Variants in MACROD2 observed in about 807,000 individuals in gnomAD.
The protein encoded by MACROD2 is mono-ADP ribosylhydrolase 2, also known as ADP-ribose glycohydrolase MACROD2.
Under a neutral mutation model 70.4 loss-of-function variants are expected in MACROD2, and 36 were observed. The observed-to-expected ratio is 0.51, with a 90% confidence interval of 0.39 to 0.68. The LOEUF is 0.68. MACROD2 is among the 30% of genes least tolerant of loss of function. MACROD2 has a pLI of 0.00. For missense variants in MACROD2, 496 were observed against 538.4 expected (o/e 0.92, Z 0.78); for synonymous variants, 172 against 178.8 (o/e 0.96, Z 0.30).
intron 1 of MACROD2, chr20:13,996,567 T>G (rs17226859): frequency 0.11 from 17,228 of 152,168 alleles, 1,151 homozygotes; most frequent in Admixed American, 0.18. Flanking sequence ...ATCTCTGAAT[T>G]TTGTGCGTAT....
intron 5 of MACROD2, among the ~76,000 whole-genome samples, chr20:15,208,956 G>A (rs2076736110): frequency 6.6e-6 from 1 of 152,144 alleles, no homozygotes; most frequent in African/African-American, 2.4e-5. Context: ...ACAGTGAGGT[G>A]CAGGTAGAAA....
intron 5 of MACROD2, among the ~76,000 whole-genome samples, chr20:14,718,620 G>A (rs1412806025): frequency 1.3e-5 from 2 of 152,096 alleles, no homozygotes; most frequent in Admixed American, 6.5e-5. Flanking sequence ...CACAGATCAT[G>A]GTTGCCTGGA....
chr20:15,409,490 T>C (rs142305751), intron 6 of MACROD2, among the ~76,000 whole-genome samples: 1 of 152,336 alleles, frequency 6.6e-6, no homozygotes, highest in East Asian at 1.9e-4. Context: ...TGTAAGAGGA[T>C]AAAGATGGTT....
intron 8 of MACROD2, among the ~76,000 whole-genome samples, chr20:15,720,189 C>A (rs1374515960): frequency 6.6e-6 from 1 of 152,122 alleles, no homozygotes; most frequent in Non-Finnish European, 1.5e-5. Flanking sequence ...TTTCTTTATT[C>A]ATTCATCTGT....
chr20:15,252,012 A>C (rs748183206), intron 6 of MACROD2, among the ~76,000 whole-genome samples: 28 of 152,178 alleles, frequency 1.8e-4, no homozygotes, highest in Non-Finnish European at 3.5e-4. Flanking sequence ...TGTGGCTCTA[A>C]CTTTATCAAT....
At chr20:14,646,901 C>T (rs146527134) in intron 4 of MACROD2, among the ~76,000 whole-genome samples, 17 of 152,148 alleles carry the variant, frequency 1.1e-4, no homozygotes, top group Non-Finnish European at 2.1e-4. Context: ...TGTGTTTCTT[C>T]ATCTGCTTCA....
chr20:15,383,444 A>G (rs2045671124), intron 6 of MACROD2, among the ~76,000 whole-genome samples: 1 of 152,228 alleles, frequency 6.6e-6, no homozygotes, highest in African/African-American at 2.4e-5. Context: ...GTTAAGAAGT[A>G]GAATTTCAAA....
intron 2 of MACROD2, among the ~76,000 whole-genome samples, chr20:14,044,433 A>G (rs1476891634): frequency 2.0e-5 from 3 of 152,162 alleles, no homozygotes; most frequent in African/African-American, 4.8e-5. Context: ...GCGGGTTGCC[A>G]CTGCTGGCGT....
rs548771752 is a variant in MACROD2, at chr20:14,878,285, T to C, written c.418+193326T>C. On this transcript the variant is annotated intron_variant, in intron 5 of 17. Transcript: ENST00000684519. ...CCCTAAAAATATTACTTGGCCTGTA[T>C]GGCATTTGTACGCAAAGGTAGAATC... Among the ~76,000 whole-genome samples the C allele has an allele frequency of 4.6e-5, 7 of 152,242 alleles. No individual in the cohort carries two copies. In the South Asian group the frequency reaches 1.5e-3, roughly 32 times the overall value.
At chr20:15,981,723 GC>G (rs1383652787) in intron 13 of MACROD2, among the ~76,000 whole-genome samples, 3 of 151,996 alleles carry the variant, frequency 2.0e-5, no homozygotes, top group Non-Finnish European at 4.4e-5. Context: ...TTCTTATTAG[GC>G]TGTTTATGCT....
At position 14,461,587 on chromosome 20, in the gene MACROD2, T is replaced by C. The variant is rs148814076; in HGVS notation, c.272-31892T>C. On this transcript the variant is annotated intron_variant, in intron 3 of 17. Coordinates refer to ENST00000684519, the MANE Select transcript of MACROD2 (RefSeq NM_001351661.2). ...TTGTTACATATGTATACCTGTGCCA[T>C]GTTGTTGTGCTGCACCCATTAACTC... 5.9e-5 allele frequency among the ~76,000 whole-genome samples: 9 copies of C among 152,086 alleles called. No homozygotes were observed. The East Asian group carries it at 1.7e-3, about 29-fold the overall frequency.
At chr20:15,902,652 C>T (rs1423645074) in intron 10 of MACROD2, among the ~76,000 whole-genome samples, 1 of 152,064 alleles carries the variant, frequency 6.6e-6, no homozygotes, top group African/African-American at 2.4e-5. Context: ...TGGGGTAAGG[C>T]AGCCGCCATG....
intron 6 of MACROD2, among the ~76,000 whole-genome samples, chr20:15,406,019 T>G (rs1021194013): frequency 6.6e-6 from 1 of 152,164 alleles, no homozygotes; most frequent in Admixed American, 6.5e-5. Context: ...TCTGCTACTG[T>G]CTACCCAGCT....
At chr20:15,920,366 C>A (rs1197657112) in intron 10 of MACROD2, among the ~76,000 whole-genome samples, 1 of 152,010 alleles carries the variant, frequency 6.6e-6, no homozygotes, top group Non-Finnish European at 1.5e-5. Context: ...ACAACGCAGA[C>A]AAGATCACGA....
chr20:14,509,949 A>G (rs1442587507), intron 4 of MACROD2, among the ~76,000 whole-genome samples: 1 of 152,048 alleles, frequency 6.6e-6, no homozygotes, highest in African/African-American at 2.4e-5. Context: ...ATCAGATATT[A>G]AAGTTGCAAA....
intron 8 of MACROD2, among the ~76,000 whole-genome samples, chr20:15,698,962 G>T (rs1330502413): frequency 1.3e-5 from 2 of 152,120 alleles, no homozygotes; most frequent in Non-Finnish European, 2.9e-5. Context: ...CTATTTCATT[G>T]AATATTTCTC....
chr20:16,045,811 T>C (rs978448954), intron 17 of MACROD2, among the ~76,000 whole-genome samples: 1 of 152,000 alleles, frequency 6.6e-6, no homozygotes, highest in Non-Finnish European at 1.5e-5. Context: ...CTAAAAGATA[T>C]CACTGGACGG....
At chr20:14,997,533 A>G (rs2074960192) in intron 5 of MACROD2, among the ~76,000 whole-genome samples, 1 of 152,116 alleles carries the variant, frequency 6.6e-6, no homozygotes, top group African/African-American at 2.4e-5. Flanking sequence ...AGGAGAGGGA[A>G]GGTTAAGAAG....
At chr20:15,903,087 G>A (rs2065089914) in intron 10 of MACROD2, among the ~76,000 whole-genome samples, 1 of 152,172 alleles carries the variant, frequency 6.6e-6, no homozygotes, top group Non-Finnish European at 1.5e-5. Flanking sequence ...AGAGGAAACA[G>A]TAAGTGGGCC....
Sources: allele counts gnomAD v4.1 joint callset (sites outside exome capture counted in the v4.1 genomes callset), GRCh38; gene constraint gnomAD v4.1.1; transcripts MANE v1.5; gene names NCBI Gene and HGNC (gene_info 2026-07-23, HGNC 2026-07-21).